Variants in PRPSAP2 observed in about 807,000 individuals in gnomAD.
PRPSAP2 encodes phosphoribosyl pyrophosphate synthetase associated protein 2, also known as phosphoribosyl pyrophosphate synthase-associated protein 2.
In PRPSAP2, 24 loss-of-function variants were observed where a neutral mutation model predicts 40.6. The ratio of observed to expected loss-of-function variants is 0.59; its 90% CI spans 0.43 to 0.83. The LOEUF (loss-of-function observed/expected upper bound fraction) is 0.83, where lower values mean the gene tolerates loss of function less well. Among genes scored for constraint, PRPSAP2 ranks in the 40% least tolerant of loss-of-function variants. PRPSAP2 has a pLI of 0.00. For synonymous variants in PRPSAP2, 149 were observed against 164.7 expected (o/e 0.90, Z 0.73); for missense variants, 292 against 465.6 (o/e 0.63, Z 3.43).
intron 8 of PRPSAP2, among the ~76,000 whole-genome samples, chr17:18,893,394 C>T (rs1446711829): frequency 1.3e-5 from 2 of 151,590 alleles, no homozygotes; most frequent in Non-Finnish European, 2.9e-5. Context: ...CGTGATCCGC[C>T]TGCCTTGGCC....
intron 1 of PRPSAP2, among the ~76,000 whole-genome samples, chr17:18,863,831 C>CTTTTTTTTTTTTTT (rs34770102): frequency 2.3e-5 from 2 of 86,052 alleles, no homozygotes; most frequent in African/African-American, 5.0e-5. Flanking sequence ...ACTGCGTGGC[C>CTTTTTTTTTTTTTT]TTTTTTTTTT....
intron 8 of PRPSAP2, among the ~76,000 whole-genome samples, chr17:18,899,743 C>G (rs940756897): frequency 2.6e-5 from 4 of 151,904 alleles, no homozygotes; most frequent in Non-Finnish European, 5.9e-5. Context: ...CCATATTGCC[C>G]AGGCTGGTCT....
chr17:18,868,746 A>G (rs2166182), intron 4 of PRPSAP2, among the ~76,000 whole-genome samples: 83,368 of 149,306 alleles, frequency 0.56, 23,604 homozygotes, highest in Middle Eastern at 0.63. Context: ...TTGGTAGAAC[A>G]AGGGTCTCAT....
rs1163852845 is a variant in PRPSAP2, at chr17:18,868,465, C to CTG, written c.172+1131_172+1132insTG. Among the ~76,000 whole-genome samples, 70 of 146,464 alleles carry CTG rather than the reference C, an allele frequency of 4.8e-4. No homozygotes were observed. In the East Asian group the frequency reaches 0.011, roughly 22 times the overall value. The stretch of plus-strand genomic sequence containing the variant: ...ACTCCAGCCTGGGGGGGAACAAGAG[C>CTG]GAGACTTTGTCTCAGGGGAAAAAAA... On this transcript the variant is annotated intron_variant, in intron 4 of 11. Transcript: ENST00000268835.
intron 6 of PRPSAP2, among the ~76,000 whole-genome samples, chr17:18,881,104 G>T (rs553345909): frequency 6.6e-6 from 1 of 151,928 alleles, no homozygotes; most frequent in South Asian, 2.1e-4. Context: ...AAAGTGCTGG[G>T]ATTACAGCTG....
At chr17:18,905,565 AT>A (rs2040531133) in intron 8 of PRPSAP2, among the ~76,000 whole-genome samples, 1 of 151,346 alleles carries the variant, frequency 6.6e-6, no homozygotes, top group South Asian at 2.1e-4. Flanking sequence ...TCTGTCTGAA[AT>A]TTTTTTCTCT....
intron 10 of PRPSAP2, among the ~76,000 whole-genome samples, chr17:18,924,862 A>G (rs1162719818): frequency 2.0e-5 from 3 of 150,224 alleles, no homozygotes; most frequent in Admixed American, 6.6e-5. Flanking sequence ...GCTCATGCCT[A>G]TAATCCCAGC....
chr17:18,930,689 A>G lies in PRPSAP2; in HGVS notation c.1101A>G (p.Leu367=). The change falls in exon 12 of 12, where the codon TTA becomes TTG. Residue 367 remains leucine, a synonymous_variant. Coordinates refer to ENST00000268835, the MANE Select transcript of PRPSAP2 (RefSeq NM_002767.4). ...CCTACCTTTTCAGAAACATAGGCTT[A>G]GATGACTGAGTTTTCCTTTAGGAAA... ...SMSYLFRNIG[L]DD is the part of the protein sequence containing the mutation. The G allele has an allele frequency of 6.2e-7, 1 of 1,610,906 alleles. No homozygotes were observed. Among genetic ancestry groups the G allele is most frequent in the South Asian group, 1.1e-5 (1 of 90,668 alleles).
At position 18,930,912 on chromosome 17, in the gene PRPSAP2, C is replaced by A. The variant is rs1295846625; in HGVS notation, c.*214C>A. On this transcript the variant is annotated 3_prime_UTR_variant, in exon 12 of 12. Transcript: ENST00000268835. ...TTTTATAAAAGAAAAACTTTATTCT[C>A]CTCTTTTGAAAAGGTAAGACCTCGT... 1.1e-5 allele frequency: 4 copies of A among 373,538 alleles called. No individual in the cohort carries two copies. The East Asian group carries it at 1.2e-4, about 11-fold the overall frequency. 23.1% of individuals were successfully genotyped at this position (373,538 alleles called of 1,614,324 possible).
In PRPSAP2 at chr17:18,930,760, G is replaced by A; in HGVS notation, c.*62G>A. The A allele has an allele frequency of 7.0e-7, 1 of 1,433,066 alleles. No individual in the cohort carries two copies. Among genetic ancestry groups the A allele is most frequent in the East Asian group, 2.3e-5 (1 of 42,914 alleles). The allele number at this position is 1,433,066 out of a possible 1,614,324, so 88.8% of individuals were successfully genotyped here. On this transcript the variant is annotated 3_prime_UTR_variant, in exon 12 of 12. Coordinates refer to ENST00000268835, the MANE Select transcript of PRPSAP2 (RefSeq NM_002767.4). ...AAACATAAGAGTGACTGCTCGGTGG[G>A]ATGGATTTCACAGGAACCGTCATGC...
At chr17:18,870,256 G>A (rs532086221) in intron 4 of PRPSAP2, among the ~76,000 whole-genome samples, 5 of 152,168 alleles carry the variant, frequency 3.3e-5, no homozygotes, top group South Asian at 4.2e-4. Flanking sequence ...AGTGCAGGCC[G>A]GGTGCGGTGG....
chr17:18,926,129 C>A (rs1161821197), intron 10 of PRPSAP2, among the ~76,000 whole-genome samples: 1 of 151,944 alleles, frequency 6.6e-6, no homozygotes, highest in Non-Finnish European at 1.5e-5. Flanking sequence ...CTCACGTCAC[C>A]CTCCAGGGTA....
intron 8 of PRPSAP2, among the ~76,000 whole-genome samples, chr17:18,898,840 C>T (rs551674543): frequency 1.3e-5 from 2 of 152,064 alleles, no homozygotes; most frequent in Non-Finnish European, 2.9e-5. Flanking sequence ...TTAGTCCTAC[C>T]GTCTTTCTCC....
At chr17:18,867,192 C>A in intron 3 of PRPSAP2, 90 bp from the exon 4 acceptor site, 1 of 1,241,974 alleles carries the variant, frequency 8.1e-7, no homozygotes, top group South Asian at 1.3e-5. Flanking sequence ...TTTTATTTTA[C>A]TCTTATCGAT....
In PRPSAP2 at chr17:18,911,061, G is replaced by A; in HGVS notation, c.585-42G>A. 9 of 1,565,244 alleles carry A rather than the reference G, an allele frequency of 5.7e-6. No homozygotes were observed. Among genetic ancestry groups the A allele is most frequent in the South Asian group, 4.7e-5 (4 of 84,924 alleles). The stretch of plus-strand genomic sequence containing the variant: ...TCCCCTAGGCATTAGCAGAACCAAG[G>A]GCTGCATGAGTTTTGAGCTTGTGTC... On this transcript the variant is annotated intron_variant, in intron 8 of 11. Transcript: ENST00000268835. This position sits in a 1 kb window ranked among gnomAD's most constrained non-coding sequence, Gnocchi z 4.5.
chr17:18,872,283 A>G (rs990325321), intron 4 of PRPSAP2, among the ~76,000 whole-genome samples: 1 of 152,094 alleles, frequency 6.6e-6, no homozygotes, highest in African/African-American at 2.4e-5. Flanking sequence ...AAAAAAAAAA[A>G]AAAAAAAGTT....
In PRPSAP2 at chr17:18,911,172, G is replaced by C; in HGVS notation, c.654G>C (p.Glu218Asp). The part of the protein sequence containing the change: ...AVIHGEAQDA[E>D]SDLVDGRHSP... ...TTCATGGAGAGGCGCAGGATGCCGA[G>C]TCGGACTTGGTGGATGGACGGCATT... The change falls in exon 9 of 12, where the codon GAG becomes GAC. Residue 218 changes from glutamate to aspartate, a missense_variant. Around this residue, in one of 2 missense-constraint regions of PRPSAP2, gnomAD observed 241 missense variants for 425.7 expected, o/e 0.57. Coordinates refer to ENST00000268835, the MANE Select transcript of PRPSAP2 (RefSeq NM_002767.4). This position sits in a 1 kb window ranked among gnomAD's most constrained non-coding sequence, Gnocchi z 4.5. 1 of 1,614,038 alleles carries C rather than the reference G, an allele frequency of 6.2e-7. No homozygotes were observed. The highest frequency in any genetic ancestry group is 2.2e-5 in the East Asian group (1 of 44,890).
intron 9 of PRPSAP2, among the ~76,000 whole-genome samples, chr17:18,915,847 T>A (rs2041277597): frequency 6.7e-6 from 1 of 149,024 alleles, no homozygotes; most frequent in Non-Finnish European, 1.5e-5. Context: ...TGAGACGGAG[T>A]CTTGCTCTGT....
intron 6 of PRPSAP2, among the ~76,000 whole-genome samples, chr17:18,878,414 AT>A (rs1219416080): frequency 1.3e-5 from 2 of 152,162 alleles, no homozygotes; most frequent in African/African-American, 4.8e-5. Flanking sequence ...GATACATATT[AT>A]TCTGTGTCAG....
Sources: gnomAD v4.1 joint callset for allele counts (sites outside exome capture counted in the v4.1 genomes callset) on GRCh38, gnomAD v4.1.1 for gene constraint, gnomAD v4.1.1 regional missense constraint, Gnocchi (gnomAD v3.1) non-coding constraint, MANE v1.5 for transcripts, NCBI Gene and HGNC (gene_info 2026-07-23, HGNC 2026-07-21) for gene names.